The following SMG1 variants were observed in gnomAD, a reference collection of about 807,000 sequenced individuals.
SMG1 encodes serine/threonine-protein kinase SMG1.
SMG1 carries 22 observed loss-of-function variants against 419.9 expected under a neutral mutation model. The ratio of observed to expected loss-of-function variants is 0.05; its 90% confidence interval spans 0.04 to 0.07. SMG1 has a LOEUF of 0.07. Among genes scored for constraint, SMG1 ranks in the 10% least tolerant of loss-of-function variants. The probability of loss-of-function intolerance (pLI) is 1.00; values close to 1 mark genes in which losing one functional copy is unlikely to be tolerated. For missense variants in SMG1, 3,185 were observed against 4,342.0 expected (o/e 0.73, Z 7.49); for synonymous variants, 1,538 against 1,553.5 (o/e 0.99, Z 0.23).
Position 18,827,001 on chromosome 16 carries a change from G to A in SMG1, c.9741+1030C>T, listed in dbSNP as rs561197352. The stretch of plus-strand genomic sequence containing the variant: ...AGCCGGTCTGAAAAGCGTAATATTC[G>A]GGTGGGAGTGACCCGATTTTCCAGG... On this transcript the variant is annotated intron_variant, in intron 55 of 62. Coordinates refer to ENST00000446231, the MANE Select transcript of SMG1 (RefSeq NM_015092.5). Among the ~76,000 whole-genome samples, 12 of 39,922 alleles carry A rather than the reference G, an allele frequency of 3.0e-4. 3 individuals carry two copies. The South Asian group carries it at 4.5e-3, about 15-fold the overall frequency. 26.2% of individuals were successfully genotyped at this position (39,922 alleles called of 152,430 possible).
In SMG1 at chr16:18,852,415, G is replaced by T. The variant is rs1383859458; in HGVS notation, c.4816C>A (p.His1606Asn). ...TCAGGTGCCTGTACTGAAGACAGGT[G>T]ATACAACTGTCCCAAAATGAAGTCA... ...EPDFILGQLY[H>N]LSSVQAPEVA... The change falls in exon 32 of 63, where the codon CAC becomes AAC. Residue 1606 changes from histidine to asparagine, a missense_variant. Around this residue, in one of 27 missense-constraint regions of SMG1, gnomAD observed 493 missense variants for 552.9 expected, o/e 0.89. Transcript: ENST00000446231. 1 of 1,608,628 alleles carries T rather than the reference G, an allele frequency of 6.2e-7. No homozygotes were observed. Among genetic ancestry groups the T allele is most frequent in the African/African-American group, 1.3e-5 (1 of 74,720 alleles).
chr16:18,830,518 G>T, intron 51 of SMG1, 149 bp from the exon 52 acceptor site: 1 of 867,484 alleles, frequency 1.2e-6, no homozygotes, highest in Non-Finnish European at 1.7e-6. Context: ...GCCGGGCGCG[G>T]TGGCTCACGC....
chr16:18,924,381 T>C (rs950397905), intron 1 of SMG1, among the ~76,000 whole-genome samples: 2 of 152,210 alleles, frequency 1.3e-5, no homozygotes, highest in Non-Finnish European at 2.9e-5. Flanking sequence ...CCAAAAGCTG[T>C]AGGACTATTT....
Position 18,847,400 on chromosome 16 carries a change from T to G in SMG1, c.5996+53A>C. 3 of 1,596,350 alleles carry G rather than the reference T, an allele frequency of 1.9e-6. 1 individual carries two copies. The South Asian group carries it at 3.3e-5, about 18-fold the overall frequency. On this transcript the variant is annotated intron_variant, in intron 38 of 62. Coordinates refer to ENST00000446231, the MANE Select transcript of SMG1 (RefSeq NM_015092.5). The stretch of plus-strand genomic sequence containing the variant: ...ATAGTAAATTTTATGTTATTTATAC[T>G]TTGAAACAAAGTGGCAGCTTCACTG...
At chr16:18,851,709 A>T (rs2034610604) in intron 33 of SMG1, among the ~76,000 whole-genome samples, 1 of 151,858 alleles carries the variant, frequency 6.6e-6, no homozygotes, top group African/African-American at 2.4e-5. Flanking sequence ...CACCCTGCTA[A>T]TTTTTGTATT....
At position 18,830,131 on chromosome 16, in the gene SMG1, A is replaced by G. The variant is rs761853572; in HGVS notation, c.8944-16T>C. 30 of 1,600,412 alleles carry G rather than the reference A, an allele frequency of 1.9e-5. No homozygotes were observed. The South Asian group carries it at 2.8e-4, about 15-fold the overall frequency. Reference sequence around the variant, plus strand: ...TCTTGTTCAACTATGTAAATGAAAGAAAACAAAGTTCATTTCTCCACTCTT... The same window carrying G: ...TCTTGTTCAACTATGTAAATGAAAGGAAACAAAGTTCATTTCTCCACTCTT... On this transcript the variant is annotated splice_polypyrimidine_tract_variant and intron_variant, in intron 52 of 62. Coordinates refer to ENST00000446231, the MANE Select transcript of SMG1 (RefSeq NM_015092.5).
intron 1 of SMG1, among the ~76,000 whole-genome samples, chr16:18,924,154 A>G (rs2038300923): frequency 6.6e-6 from 1 of 152,144 alleles, no homozygotes. Context: ...CTTTCTTGTA[A>G]GCTCCTCCCT....
Position 18,919,594 on chromosome 16 carries a change from A to G in SMG1, c.92+6356T>C, listed in dbSNP as rs190080606. Among the ~76,000 whole-genome samples, 553 of 149,898 alleles carry G rather than the reference A, an allele frequency of 3.7e-3. 6 individuals are homozygous for G. Among genetic ancestry groups the G allele is most frequent in the African/African-American group, 0.013 (532 of 40,770 alleles). On this transcript the variant is annotated intron_variant, in intron 1 of 62. Coordinates refer to ENST00000446231, the MANE Select transcript of SMG1 (RefSeq NM_015092.5). ...AGCCGAGATTGCGCCACTGCACTCTAGCCTGGGCAACAGAGCAACACTCCG... is the reference window on the plus strand; with the variant it reads ...AGCCGAGATTGCGCCACTGCACTCTGGCCTGGGCAACAGAGCAACACTCCG...
At chr16:18,836,615 C>T (rs1403586987) in intron 46 of SMG1, 83 bp from the exon 47 acceptor site, 15 of 1,426,442 alleles carry the variant, frequency 1.1e-5, no homozygotes, top group Non-Finnish European at 1.5e-5. Flanking sequence ...TGTGCTCACA[C>T]ATGGACTGTC....
intron 25 of SMG1, among the ~76,000 whole-genome samples, chr16:18,863,239 AAAAG>A (rs1380766390): frequency 3.9e-5 from 6 of 152,252 alleles, no homozygotes; most frequent in African/African-American, 1.4e-4. Flanking sequence ...CAGAGGAATG[AAAAG>A]AAAGTTTAAT....
At chr16:18,843,043 A>G (rs764269048) in intron 39 of SMG1, among the ~76,000 whole-genome samples, 2 of 152,242 alleles carry the variant, frequency 1.3e-5, no homozygotes, top group Non-Finnish European at 2.9e-5. Flanking sequence ...TGCTGTGATC[A>G]TCACCCAATT....
intron 9 of SMG1, among the ~76,000 whole-genome samples, chr16:18,883,114 C>A (rs190731743): frequency 1.3e-5 from 2 of 152,008 alleles, no homozygotes; most frequent in Non-Finnish European, 2.9e-5. Context: ...GAATTCCTGT[C>A]GACTACAAGC....
At chr16:18,879,393 G>A (rs1432791306) in intron 11 of SMG1, 102 bp downstream of exon 11, 33 of 1,144,382 alleles carry the variant, frequency 2.9e-5, no homozygotes, top group Non-Finnish European at 3.7e-5. Flanking sequence ...GGGATTACAA[G>A]CATGAGCCAC....
intron 29 of SMG1, among the ~76,000 whole-genome samples, chr16:18,855,441 C>T (rs1386565897): frequency 6.6e-6 from 1 of 152,198 alleles, no homozygotes. Context: ...ATGCTGACAA[C>T]TGCTGAATCT....
At chr16:18,859,449 A>G (rs2035094196) in intron 27 of SMG1, 107 bp downstream of exon 27, 1 of 638,740 alleles carries the variant, frequency 1.6e-6, no homozygotes, top group Non-Finnish European at 2.7e-6. Flanking sequence ...AGCTATTAGC[A>G]CTAGTATTTA....
At position 18,868,866 on chromosome 16, in the gene SMG1, T is replaced by C. The variant is rs181451109; in HGVS notation, c.2834-147A>G. 29 of 666,956 alleles carry C rather than the reference T, an allele frequency of 4.3e-5. 1 individual carries two copies. The Admixed American group carries it at 8.9e-4, about 20-fold the overall frequency. The allele number at this position is 666,956 out of a possible 1,614,324, so 41.3% of individuals were successfully genotyped here. A position where few individuals can be genotyped will look rare whatever the true frequency, so the allele number is the denominator to read the frequency against. On this transcript the variant is annotated intron_variant, in intron 20 of 62. Coordinates refer to ENST00000446231, the MANE Select transcript of SMG1 (RefSeq NM_015092.5). The stretch of plus-strand genomic sequence containing the variant: ...AAAAAATCCCAACATGAAAGATCTT[T>C]CATTTTAGGGGAAAGAAATATATAT...
At chr16:18,924,796 C>CAA (rs2038327045) in intron 1 of SMG1, 1 of 152,142 alleles carries the variant, frequency 6.6e-6, no homozygotes, top group African/African-American at 2.4e-5. Flanking sequence ...TGTGTACCAC[C>CAA]TATTAGCCAA....
chr16:18,840,336 A>C (rs2033843237), intron 41 of SMG1, among the ~76,000 whole-genome samples: 1 of 152,228 alleles, frequency 6.6e-6, no homozygotes, highest in Non-Finnish European at 1.5e-5. Flanking sequence ...TAACAACAGA[A>C]ATTCAAAAAC....
In SMG1 at chr16:18,807,781, A is replaced by C. The variant is rs556598323; in HGVS notation, c.*1788T>G. On this transcript the variant is annotated 3_prime_UTR_variant, in exon 63 of 63. Coordinates refer to ENST00000446231, the MANE Select transcript of SMG1 (RefSeq NM_015092.5). ...TTTTATCTAGTCATTTATTTTTGAC[A>C]CAGAGTCTAGCTCTGTTGCCCAGGC... 1 of 152,190 alleles carries C rather than the reference A, an allele frequency of 6.6e-6. No homozygotes were observed. Among genetic ancestry groups the C allele is most frequent in the South Asian group, 2.1e-4 (1 of 4,816 alleles). 9.4% of individuals were successfully genotyped at this position (152,190 alleles called of 1,614,324 possible).
Sources: allele counts gnomAD v4.1 joint callset (sites outside exome capture counted in the v4.1 genomes callset), GRCh38; gene constraint gnomAD v4.1.1; regional missense constraint gnomAD v4.1.1; transcripts MANE v1.5; gene names NCBI Gene and HGNC (gene_info 2026-07-23, HGNC 2026-07-21).